The following PUM3 variants were observed in gnomAD, a reference collection of about 807,000 sequenced individuals.
The protein encoded by PUM3 is pumilio RNA binding family member 3.
In PUM3, 91 loss-of-function variants were observed where a neutral mutation model predicts 84.0. The observed-to-expected ratio is 1.08, with a 90% CI of 0.91 to 1.29. The LOEUF is 1.29. Among genes scored for constraint, PUM3 ranks in the 50% most tolerant of loss-of-function variants. The pLI, the probability that PUM3 is intolerant of heterozygous loss-of-function variation, is 0.00. For missense variants in PUM3, 1,067 were observed against 767.5 expected, an observed-to-expected ratio of 1.39 and a Z score of -4.61; for synonymous variants, 321 against 266.7, an observed-to-expected ratio of 1.20 and a Z score of -1.98.
intron 16 of PUM3, among the ~76,000 whole-genome samples, chr9:2,808,792 C>T (rs1436011060): frequency 6.6e-6 from 1 of 152,184 alleles, no homozygotes. Context: ...GCCACTCCCC[C>T]ATCTATAGGG....
Position 2,804,355 on chromosome 9 carries a change from A to G in PUM3, c.1923T>C (p.Ile641=). The G allele has an allele frequency of 6.2e-7, 1 of 1,613,744 alleles. No homozygotes were observed. ...CCTATGTGCTCAGTTTTTCAAGTAG[A>G]ATTTCTATTCCTTTGCTGGTGCTTT... is the stretch of plus-strand genomic sequence containing the variant. ...KTKSTSKGIE[I]LLEKLST is the part of the protein sequence containing the mutation. The change falls in exon 18 of 18, where the codon ATT becomes ATC. Residue 641 remains isoleucine, a synonymous_variant. Coordinates refer to ENST00000397885, the MANE Select transcript of PUM3 (RefSeq NM_014878.5).
At chr9:2,808,842 G>C (rs919970403) in intron 16 of PUM3, among the ~76,000 whole-genome samples, 5 of 152,188 alleles carry the variant, frequency 3.3e-5, no homozygotes, top group Admixed American at 1.3e-4. Context: ...GGGCCTCTGT[G>C]ATTGACTTGA....
intron 13 of PUM3, among the ~76,000 whole-genome samples, chr9:2,815,244 T>C (rs918272791): frequency 1.6e-4 from 24 of 152,346 alleles, no homozygotes; most frequent in African/African-American, 3.8e-4. Context: ...ACCCACCTTA[T>C]TGATCAGCAA....
chr9:2,810,477 A>C (rs1312165083), intron 15 of PUM3, 46 bp from the exon 16 acceptor site: 1 of 1,307,566 alleles, frequency 7.6e-7, no homozygotes, highest in Admixed American at 2.0e-5. Context: ...GTTTTCATTC[A>C]TACAAATACA....
rs892824858 is a variant in PUM3 at position 2,811,404 on chromosome 9, C to A, written c.1592G>T (p.Ser531Ile). The A allele has an allele frequency of 5.6e-6, 9 of 1,614,078 alleles. No individual in the cohort carries two copies. Among genetic ancestry groups the A allele is most frequent in the Non-Finnish European group, 7.6e-6 (9 of 1,180,048 alleles). Residue 531 changes from serine (S) to isoleucine (I), a missense_variant, in exon 15 of 18, where the codon AGC becomes ATC. Coordinates refer to ENST00000397885, the MANE Select transcript of PUM3 (RefSeq NM_014878.5). ...AGGATGCAGTCCTGTTGCTGCCAAGCTGGCGATGGCATTCATGGTAGGCTG... is the reference window on the plus strand; with the variant it reads ...AGGATGCAGTCCTGTTGCTGCCAAGATGGCGATGGCATTCATGGTAGGCTG... The part of the protein sequence containing the change: ...DVQPTMNAIA[S>I]LAATGLHPGG...
chr9:2,822,100 T>C (rs1021259455), intron 12 of PUM3, among the ~76,000 whole-genome samples: 1 of 152,134 alleles, frequency 6.6e-6, no homozygotes, highest in Non-Finnish European at 1.5e-5. Flanking sequence ...TCTAGGTGAA[T>C]ACAACAGAAG....
rs553432225 is a variant in PUM3, at chr9:2,812,234, A to T, written c.1398T>A (p.Asp466Glu). The change falls in exon 14 of 18, where the codon GAT (aspartate) becomes GAA (glutamate). Residue 466 changes from aspartate (D) to glutamate (E), a missense_variant. By Grantham distance (45) the Asp-to-Glu change is conservative. Transcript: ENST00000397885. The stretch of plus-strand genomic sequence containing the variant: ...CTTGGTTTTACCTGTGTGCATTTCC[A>T]TCTCCTTTTTGCAGAACTTCAATGA... ...REIIEVLQKG[D>E]GNAHSKKDTE... is the part of the protein sequence containing the mutation. 1.2e-6 allele frequency: 2 copies of T among 1,613,780 alleles called. No homozygotes were observed. The highest frequency in any genetic ancestry group is 2.2e-5 in the South Asian group (2 of 91,056).
intron 16 of PUM3, 106 bp downstream of exon 16, chr9:2,810,238 T>G (rs1821337611): frequency 1.4e-6 from 1 of 728,904 alleles, no homozygotes; most frequent in African/African-American, 1.8e-5. Flanking sequence ...TCTAGACACT[T>G]GGCAAACTTC....
intron 1 of PUM3, among the ~76,000 whole-genome samples, chr9:2,840,102 AT>A (rs1427550397): frequency 6.6e-6 from 1 of 152,132 alleles, no homozygotes; most frequent in South Asian, 2.1e-4. Context: ...AAGGCTACAC[AT>A]TTTTTGGAAG....
intron 13 of PUM3, among the ~76,000 whole-genome samples, chr9:2,815,032 T>A (rs1055930798): frequency 7.9e-5 from 12 of 152,216 alleles, no homozygotes; most frequent in Admixed American, 4.6e-4. Context: ...TGGGACTTCA[T>A]GATATGCATA....
chr9:2,837,285 G>T lies in PUM3; in HGVS notation c.199C>A (p.Gln67Lys). The change falls in exon 3 of 18, where the codon CAG (glutamine) becomes AAG (lysine). Residue 67 changes from glutamine (Q) to lysine (K), a missense_variant. By Grantham distance (53) the Gln-to-Lys change is moderately conservative. Transcript: ENST00000397885. ...ITKLGKKGVK[Q>K]FKNKQQGDKS... ...TCCCCTTGCTGCTTATTCTTGAACT[G>T]CTTTACACCCTTTTTCCCAAGTTTT... 1 of 1,614,026 alleles carries T rather than the reference G, an allele frequency of 6.2e-7. No individual in the cohort carries two copies.
Position 2,811,371 on chromosome 9 carries a change from T to A in PUM3, c.1625A>T (p.Lys542Met). The A allele has an allele frequency of 6.2e-7, 1 of 1,614,068 alleles. No homozygotes were observed. The highest frequency in any genetic ancestry group is 8.5e-7 in the Non-Finnish European group (1 of 1,180,014). Reference protein sequence around the residue: ...LAATGLHPGGKDGELHIAEHP... With the variant: ...LAATGLHPGGMDGELHIAEHP... ...TTAATGGCACATTACCTCTCCGTCC[T>A]TGCCACCAGGATGCAGTCCTGTTGC... The change falls in exon 15 of 18, where the codon AAG becomes ATG. Residue 542 changes from lysine to methionine, a missense_variant. Coordinates refer to ENST00000397885, the MANE Select transcript of PUM3 (RefSeq NM_014878.5).
intron 9 of PUM3, chr9:2,828,401 T>G (rs191094564): frequency 5.9e-6 from 2 of 337,300 alleles, no homozygotes; most frequent in Non-Finnish European, 1.1e-5. Flanking sequence ...ATGGCTTCCA[T>G]GTAACATTTT....
At chr9:2,808,220 T>C (rs1049770590) in intron 16 of PUM3, among the ~76,000 whole-genome samples, 1 of 152,230 alleles carries the variant, frequency 6.6e-6, no homozygotes, top group African/African-American at 2.4e-5. Context: ...ATGATTTAAC[T>C]TTGACCTGAA....
Position 2,824,793 on chromosome 9 carries a change from T to C in PUM3, c.1058A>G (p.Glu353Gly), listed in dbSNP as rs775898601. 6.3e-7 allele frequency: 1 copy of C among 1,575,698 alleles called. No individual in the cohort carries two copies. Among genetic ancestry groups the C allele is most frequent in the African/African-American group, 1.3e-5 (1 of 74,316 alleles). ...LRSEMIEAIR[E>G]AVVYLAHTHD... The stretch of plus-strand genomic sequence containing the variant: ...TGTGTGTGCCAGGTAGACCACCGCT[T>C]CGCGGATGGCTTCAATCATTTCCTA... The change falls in exon 11 of 18, where the codon GAA becomes GGA. Residue 353 changes from glutamate (E) to glycine (G), a missense_variant. Physicochemically the swap from Glu to Gly is moderately conservative, Grantham distance 98 (BLOSUM62 -2). Transcript: ENST00000397885.
rs1465856313 is a variant in PUM3, at chr9:2,824,705, T to C, written c.1134+12A>G. 6.6e-7 allele frequency: 1 copy of C among 1,504,650 alleles called. No individual in the cohort carries two copies. The highest frequency in any genetic ancestry group is 2.4e-5 in the East Asian group (1 of 42,014). 93.2% of individuals were successfully genotyped at this position (1,504,650 alleles called of 1,614,324 possible). A position where few individuals can be genotyped will look rare whatever the true frequency, so the allele number is the denominator to read the frequency against. Reference sequence around the variant, plus strand: ...TTGTACAGTTTAAATGCCCAAGTGCTGTCACACTTACCTTGGGCGTGCCAT... The same window carrying C: ...TTGTACAGTTTAAATGCCCAAGTGCCGTCACACTTACCTTGGGCGTGCCAT... On this transcript the variant is annotated intron_variant, in intron 11 of 17. Coordinates refer to ENST00000397885, the MANE Select transcript of PUM3 (RefSeq NM_014878.5).
chr9:2,827,596 A>C (rs942365565), intron 9 of PUM3, among the ~76,000 whole-genome samples: 1 of 152,158 alleles, frequency 6.6e-6, no homozygotes, highest in African/African-American at 2.4e-5. Context: ...GAATGAACCA[A>C]ACATTGTCAG....
rs749329036 is a variant in PUM3 at position 2,827,084 on chromosome 9, TG to T, written c.1023del (p.Lys342AsnfsTer6). On this transcript the variant is annotated frameshift_variant, in exon 10 of 18. Coordinates refer to ENST00000397885, the MANE Select transcript of PUM3 (RefSeq NM_014878.5). LOFTEE classifies it high-confidence loss of function. ...VFLDFFTYAP[P>X]KLRSEMIEAI... ...AACCAAGAACTTACTGATCTGAGTT[TG>T]GGGGGTGCATAGGTAAAAAAGTCCA... The T allele has an allele frequency of 2.5e-6, 4 of 1,608,744 alleles. No homozygotes were observed. Among genetic ancestry groups the T allele is most frequent in the South Asian group, 1.1e-5 (1 of 89,550 alleles).
chr9:2,815,099 C>G (rs563496662), intron 13 of PUM3, among the ~76,000 whole-genome samples: 1 of 152,248 alleles, frequency 6.6e-6, no homozygotes, highest in South Asian at 2.1e-4. Flanking sequence ...ACTTTACTCC[C>G]TTTTGGTTTG....
Sources: allele counts gnomAD v4.1 joint callset (sites outside exome capture counted in the v4.1 genomes callset), GRCh38; gene constraint gnomAD v4.1.1; transcripts MANE v1.5; gene names NCBI Gene and HGNC (gene_info 2026-07-23, HGNC 2026-07-21).